The following MUC17 variants were observed in gnomAD, a reference collection of about 807,000 sequenced individuals.
MUC17 encodes mucin-17.
Under a neutral mutation model 170.3 loss-of-function variants are expected in MUC17, and 190 were observed. That is an observed-to-expected ratio of 1.12 (90% CI 0.99 to 1.26). The LOEUF (loss-of-function observed/expected upper bound fraction) is 1.26. MUC17 is among the 50% of genes most tolerant of loss of function. The pLI, the probability that MUC17 is intolerant of heterozygous loss-of-function variation, is 0.00. For synonymous variants in MUC17, 2,325 were observed against 2,002.5 expected, an observed-to-expected ratio of 1.16 and a Z score of -4.30; for missense variants, 6,415 against 5,530.0, an observed-to-expected ratio of 1.16 and a Z score of -5.08.
At chr7:101,048,226 G>C (rs1335262797) in intron 4 of MUC17, 111 bp downstream of exon 4, 1 of 1,103,234 alleles carries the variant, frequency 9.1e-7, no homozygotes, top group African/African-American at 1.6e-5. Flanking sequence ...GCCTCTTCTG[G>C]GCTGTGGTGT....
In MUC17 at chr7:101,034,029, T is replaced by A. The variant is rs1467353741; in HGVS notation, c.2613T>A (p.Pro871=). The change falls in exon 3 of 13, where the codon CCT becomes CCA. Residue 871 remains proline (P), a synonymous_variant. Coordinates refer to ENST00000306151, the MANE Select transcript of MUC17 (RefSeq NM_001040105.2). ...SEGRTPLTSM[P]VSTTLVATSA... is the part of the protein sequence containing the mutation. ...GAAGAACTCCTTTAACAAGTATGCC[T>A]GTCAGCACCACACTGGTGGCCACTT... is the stretch of plus-strand genomic sequence containing the variant. 1.2e-6 allele frequency: 2 copies of A among 1,601,704 alleles called. No homozygotes were observed. Among genetic ancestry groups the A allele is most frequent in the East Asian group, 4.5e-5 (2 of 44,164 alleles).
intron 1 of MUC17, among the ~76,000 whole-genome samples, chr7:101,025,415 C>T (rs918260980): frequency 6.6e-6 from 1 of 151,360 alleles, no homozygotes. Context: ...GTAATCCCAG[C>T]ACTTTGGGAG....
chr7:101,036,980 C>A lies in MUC17; in HGVS notation c.5564C>A (p.Thr1855Asn). ...TCATCTCCTACACCTGCTGAAGGTA[C>A]CAGCATAGCAACCTCAACGCCTAGT... ...VSSSPTPAEG[T>N]SIATSTPSEG... Residue 1855 changes from threonine (T) to asparagine (N), a missense_variant, in exon 3 of 13, where the codon ACC becomes AAC. Coordinates refer to ENST00000306151, the MANE Select transcript of MUC17 (RefSeq NM_001040105.2). 6.3e-7 allele frequency: 1 copy of A among 1,577,138 alleles called. No homozygotes were observed. Among genetic ancestry groups the A allele is most frequent in the Non-Finnish European group, 8.5e-7 (1 of 1,178,884 alleles).
Position 101,058,078 on chromosome 7 carries a change from T to A in MUC17, c.*34T>A. ...GCTGAGAAGTCTGGGAGTGAGGAGA[T>A]CCCAGTCCGGCTAAGCTTGGTGGAG... On this transcript the variant is annotated 3_prime_UTR_variant, in exon 13 of 13. Transcript: ENST00000306151. 1.2e-6 allele frequency: 2 copies of A among 1,604,564 alleles called. No individual in the cohort carries two copies. The highest frequency in any genetic ancestry group is 1.7e-6 in the Non-Finnish European group (2 of 1,172,000).
In MUC17 at chr7:101,033,698, G is replaced by T. The variant is rs777459140; in HGVS notation, c.2282G>T (p.Ser761Ile). The T allele has an allele frequency of 1.9e-6, 3 of 1,613,532 alleles. No homozygotes were observed. The South Asian group carries it at 3.3e-5, about 18-fold the overall frequency. The change falls in exon 3 of 13, where the codon AGT becomes ATT. Residue 761 changes from serine (S) to isoleucine (I), a missense_variant. By Grantham distance (142) the Ser-to-Ile change is moderately radical. Transcript: ENST00000306151. Reference protein sequence around the residue: ...SMPVSKTLLTSSEASTLSTTP... With the variant: ...SMPVSKTLLTISEASTLSTTP... ...CCTGTCAGCAAAACGCTGTTGACCAGTTCTGAGGCTAGCACCCTTTCAACA... is the reference window on the plus strand; with the variant it reads ...CCTGTCAGCAAAACGCTGTTGACCATTTCTGAGGCTAGCACCCTTTCAACA...
chr7:101,054,188 C>T (rs954867809), intron 11 of MUC17, among the ~76,000 whole-genome samples: 6 of 149,578 alleles, frequency 4.0e-5, no homozygotes, highest in Non-Finnish European at 7.4e-5. Flanking sequence ...CAGCTAAAAC[C>T]TTATTTCCAT....
chr7:101,031,111 C>A lies in MUC17; in HGVS notation c.83-9C>A. The A allele has an allele frequency of 6.2e-7, 1 of 1,604,758 alleles. No homozygotes were observed. Among genetic ancestry groups the A allele is most frequent in the Non-Finnish European group, 8.5e-7 (1 of 1,175,294 alleles). On this transcript the variant is annotated splice_polypyrimidine_tract_variant and intron_variant, in intron 1 of 12. Transcript: ENST00000306151. ...CTCTGGGATACTAACTCCCCTTTGT[C>A]TCTTTCAGACCTCAGTGTGAACAGG...
intron 1 of MUC17, among the ~76,000 whole-genome samples, chr7:101,026,532 A>G (rs1442540297): frequency 2.0e-5 from 3 of 152,224 alleles, no homozygotes; most frequent in African/African-American, 4.8e-5. Flanking sequence ...GAAACTGGTT[A>G]CATAATTTTA....
At chr7:101,056,495 G>A (rs535427183) in intron 12 of MUC17, among the ~76,000 whole-genome samples, 14 of 152,320 alleles carry the variant, frequency 9.2e-5, no homozygotes, top group African/African-American at 3.4e-4. Flanking sequence ...GAGGCTTCAG[G>A]TTCGGAGGTT....
chr7:101,039,152 T>G lies in MUC17; in HGVS notation c.7736T>G (p.Met2579Arg). 17 of 1,614,026 alleles carry G rather than the reference T, an allele frequency of 1.1e-5. No homozygotes were observed. Among genetic ancestry groups the G allele is most frequent in the Non-Finnish European group, 1.4e-5 (16 of 1,179,990 alleles). ...GAAGGAAGCACTCCATTAAGAAGTATGCCTGTCAGCACCAAGCCGTTGGCC... is the reference window on the plus strand; with the variant it reads ...GAAGGAAGCACTCCATTAAGAAGTAGGCCTGTCAGCACCAAGCCGTTGGCC... ...YSEGSTPLRSMPVSTKPLASS... is the reference protein window; with the variant it reads ...YSEGSTPLRSRPVSTKPLASS... Residue 2579 changes from methionine (M) to arginine (R), a missense_variant, in exon 3 of 13, where the codon ATG becomes AGG. Physicochemically the swap from Met to Arg is moderately conservative, Grantham distance 91 (BLOSUM62 -1). Transcript: ENST00000306151.
At position 101,037,910 on chromosome 7, in the gene MUC17, G is replaced by C. The variant is rs148535690; in HGVS notation, c.6494G>C (p.Ser2165Thr). 8.1e-6 allele frequency: 13 copies of C among 1,609,748 alleles called. No individual in the cohort carries two copies. The African/African-American group carries it at 1.7e-4, about 22-fold the overall frequency. ...AGTGACAGAAGAACTCCTTTAACAAGTATGCCTGTCAGCACCACAGTGGTG... is the reference window on the plus strand; with the variant it reads ...AGTGACAGAAGAACTCCTTTAACAACTATGCCTGTCAGCACCACAGTGGTG... ...TYSDRRTPLT[S>T]MPVSTTVVAS... The change falls in exon 3 of 13, where the codon AGT (serine) becomes ACT (threonine). Residue 2165 changes from serine (S) to threonine (T), a missense_variant. By Grantham distance (58) the Ser-to-Thr change is moderately conservative (BLOSUM62 1). Coordinates refer to ENST00000306151, the MANE Select transcript of MUC17 (RefSeq NM_001040105.2).
At position 101,037,890 on chromosome 7, in the gene MUC17, C is replaced by T. The variant is rs551587759; in HGVS notation, c.6474C>T (p.Asp2158=). ...GCATGCAAACCTCAACTTATAGTGA[C>T]AGAAGAACTCCTTTAACAAGTATGC... ...GTSMQTSTYS[D]RRTPLTSMPV... The change falls in exon 3 of 13, where the codon GAC becomes GAT. Residue 2158 remains aspartate, a synonymous_variant. Coordinates refer to ENST00000306151, the MANE Select transcript of MUC17 (RefSeq NM_001040105.2). 5.5e-5 allele frequency: 88 copies of T among 1,607,504 alleles called. No homozygotes were observed. Among genetic ancestry groups the T allele is most frequent in the African/African-American group, 5.3e-4 (39 of 73,958 alleles).
chr7:101,032,749 T>A lies in MUC17; in HGVS notation c.1333T>A (p.Ser445Thr), dbSNP rs749143280. Reference protein sequence around the residue: ...TTAEDTSIATSTPSEGSTPLT... With the variant: ...TTAEDTSIATTTPSEGSTPLT... The stretch of plus-strand genomic sequence containing the variant: ...TGCTGAAGATACCAGCATTGCAACC[T>A]CAACTCCTAGTGAAGGAAGCACTCC... Residue 445 changes from serine (S) to threonine (T), a missense_variant, in exon 3 of 13, where the codon TCA (serine) becomes ACA (threonine). Coordinates refer to ENST00000306151, the MANE Select transcript of MUC17 (RefSeq NM_001040105.2). 6.2e-7 allele frequency: 1 copy of A among 1,613,956 alleles called. No homozygotes were observed. Among genetic ancestry groups the A allele is most frequent in the East Asian group, 2.2e-5 (1 of 44,840 alleles).
At position 101,035,698 on chromosome 7, in the gene MUC17, A is replaced by G; in HGVS notation, c.4282A>G (p.Thr1428Ala). 6.2e-7 allele frequency: 1 copy of G among 1,607,600 alleles called. No homozygotes were observed. The highest frequency in any genetic ancestry group is 1.1e-5 in the South Asian group (1 of 90,058). ...ATPVDTSTPG[T>A]TSAEATSSPT... ...TCCTGTTGACACCAGCACCCCTGGG[A>G]CCACTTCTGCTGAAGCCACTTCATC... is the stretch of plus-strand genomic sequence containing the variant. The change falls in exon 3 of 13, where the codon ACC (threonine) becomes GCC (alanine). Residue 1428 changes from threonine (T) to alanine (A), a missense_variant. Thr to Ala is a moderately conservative substitution (Grantham distance 58, BLOSUM62 0). Transcript: ENST00000306151.
Position 101,042,149 on chromosome 7 carries a change from T to G in MUC17, c.10733T>G (p.Leu3578Ter). 1 of 1,614,152 alleles carries G rather than the reference T, an allele frequency of 6.2e-7. No individual in the cohort carries two copies. Among genetic ancestry groups the G allele is most frequent in the Non-Finnish European group, 8.5e-7 (1 of 1,180,022 alleles). ...ACTCCAAGTGAAGGAAGCTCTTCAT[T>G]AACAACTATGCTCCTCAGCAGCACA... ...MSTPSEGSSS[L>*]TTMLLSSTYV... is the part of the protein sequence containing the mutation. The change falls in exon 3 of 13, where the codon TTA (leucine) becomes TGA (stop). Residue 3578 changes from leucine to a stop codon, truncating the protein, a stop_gained. Transcript: ENST00000306151. LOFTEE classifies it high-confidence loss of function.
intron 1 of MUC17, among the ~76,000 whole-genome samples, 153 bp downstream of exon 1, chr7:101,020,370 TCTC>T (rs1454313887): frequency 2.6e-5 from 4 of 152,048 alleles, no homozygotes; most frequent in Non-Finnish European, 5.9e-5. Context: ...CCCCTGGACT[TCTC>T]TTCTCTCCCC....
intron 9 of MUC17, among the ~76,000 whole-genome samples, chr7:101,052,411 A>G (rs1269057885): frequency 6.6e-6 from 1 of 152,214 alleles, no homozygotes; most frequent in Non-Finnish European, 1.5e-5. Flanking sequence ...AGAACCAAAG[A>G]GAGAGAACAG....
chr7:101,032,372 C>A lies in MUC17; in HGVS notation c.956C>A (p.Ala319Asp). The A allele has an allele frequency of 6.2e-7, 1 of 1,613,874 alleles. No individual in the cohort carries two copies. The highest frequency in any genetic ancestry group is 8.5e-7 in the Non-Finnish European group (1 of 1,179,944). The change falls in exon 3 of 13, where the codon GCT becomes GAT. Residue 319 changes from alanine (A) to aspartate (D), a missense_variant. Physicochemically the swap from Ala to Asp is moderately radical, Grantham distance 126. Transcript: ENST00000306151. ...STEASSSPTT[A>D]EGTSIPTSTY... ...GAAGCCAGTTCATCTCCTACAACGGCTGAAGGCACCAGCATACCAACCTCA... is the reference window on the plus strand; with the variant it reads ...GAAGCCAGTTCATCTCCTACAACGGATGAAGGCACCAGCATACCAACCTCA...
intron 3 of MUC17, among the ~76,000 whole-genome samples, chr7:101,044,921 T>A (rs969610263): frequency 6.6e-6 from 1 of 152,170 alleles, no homozygotes; most frequent in African/African-American, 2.4e-5. Flanking sequence ...AAAAGAAGAT[T>A]CCTTCACTTC....
Sources: gnomAD v4.1 joint callset for allele counts (sites outside exome capture counted in the v4.1 genomes callset) on GRCh38, gnomAD v4.1.1 for gene constraint, MANE v1.5 for transcripts, NCBI Gene and HGNC (gene_info 2026-07-23, HGNC 2026-07-21) for gene names.